Variants in ROBO1 observed in about 807,000 individuals in gnomAD.
ROBO1 encodes the protein roundabout guidance receptor 1, also known as roundabout homolog 1.
ROBO1 carries 149 observed loss-of-function variants against 195.9 expected under a neutral mutation model. The ratio of observed to expected loss-of-function variants is 0.76; its 90% CI spans 0.67 to 0.87. The LOEUF (loss-of-function observed/expected upper bound fraction) is 0.87, where lower values mean the gene tolerates loss of function less well. Ranked by LOEUF, ROBO1 falls within the 40% of genes least tolerant of loss-of-function variation. The pLI, the probability that ROBO1 is intolerant of heterozygous loss-of-function variation, is 0.00. For synonymous variants in ROBO1, 816 were observed against 733.2 expected, an observed-to-expected ratio of 1.11 and a Z score of -1.82; for missense variants, 1,933 against 2,068.3, an observed-to-expected ratio of 0.93 and a Z score of 1.27.
intron 2 of ROBO1, among the ~76,000 whole-genome samples, chr3:79,310,437 G>A (rs2033430345): frequency 6.6e-6 from 1 of 152,172 alleles, no homozygotes; most frequent in South Asian, 2.1e-4. Flanking sequence ...GAATAAAGCT[G>A]AGAATGGAAG....
chr3:79,118,431 A>G (rs1221213963), intron 3 of ROBO1, among the ~76,000 whole-genome samples: 1 of 151,792 alleles, frequency 6.6e-6, no homozygotes, highest in East Asian at 1.9e-4. Context: ...ATTTCTTAAT[A>G]AAACTTTAAA....
intron 3 of ROBO1, among the ~76,000 whole-genome samples, chr3:79,117,210 T>TA (rs368492214): frequency 1.3e-4 from 20 of 148,550 alleles, no homozygotes; most frequent in Admixed American, 3.3e-4. Context: ...TCTACTAAAA[T>TA]AAAAAAAAAA....
At chr3:78,678,384 G>C (rs540840083) in intron 10 of ROBO1, among the ~76,000 whole-genome samples, 105 of 152,226 alleles carry the variant, frequency 6.9e-4, no homozygotes, top group Non-Finnish European at 1.3e-3. Context: ...ATGAAACCAA[G>C]AGCTGGTTTT....
intron 29 of ROBO1, among the ~76,000 whole-genome samples, chr3:78,604,310 C>T (rs1045939171): frequency 6.6e-6 from 1 of 152,106 alleles, no homozygotes; most frequent in Admixed American, 6.6e-5. Flanking sequence ...ACCTTGTGAT[C>T]CACCCACCTT....
At chr3:79,015,770 A>G (rs2077916400) in intron 3 of ROBO1, among the ~76,000 whole-genome samples, 1 of 152,202 alleles carries the variant, frequency 6.6e-6, no homozygotes, top group African/African-American at 2.4e-5. Flanking sequence ...TAATAGATAA[A>G]AGGCTATGAG....
chr3:78,784,226 A>T (rs1212701081), intron 4 of ROBO1, among the ~76,000 whole-genome samples: 1 of 152,168 alleles, frequency 6.6e-6, no homozygotes, highest in East Asian at 1.9e-4. Flanking sequence ...TACCTTCTAA[A>T]TACTCAATCA....
intron 3 of ROBO1, among the ~76,000 whole-genome samples, chr3:79,009,780 G>C (rs2077728841): frequency 6.6e-6 from 1 of 152,142 alleles, no homozygotes; most frequent in African/African-American, 2.4e-5. Context: ...TGCTTAACAT[G>C]TTTTATTATC....
chr3:78,995,305 A>G (rs1043859552), intron 3 of ROBO1, among the ~76,000 whole-genome samples: 1 of 152,108 alleles, frequency 6.6e-6, no homozygotes, highest in Non-Finnish European at 1.5e-5. Flanking sequence ...CCAAAGGGTG[A>G]TATCTTATCA....
intron 10 of ROBO1, among the ~76,000 whole-genome samples, chr3:78,677,606 T>A (rs1289398528): frequency 6.6e-6 from 1 of 151,428 alleles, no homozygotes. Flanking sequence ...AAGGGATCAA[T>A]TCAACAAGAG....
At chr3:78,711,371 CTTCCTTCCTTCCTTCCT>C (rs2081712432) in intron 8 of ROBO1, among the ~76,000 whole-genome samples, 1 of 26,038 alleles carries the variant, frequency 3.8e-5, no homozygotes, top group African/African-American at 1.7e-4. Flanking sequence ...TCCTTCCTTC[CTTCCTTCCTTCCTTCCT>C]TCCTTCCTTC....
At chr3:78,754,798 G>T (rs1485613254) in intron 4 of ROBO1, among the ~76,000 whole-genome samples, 8 of 152,164 alleles carry the variant, frequency 5.3e-5, no homozygotes, top group African/African-American at 1.9e-4. Flanking sequence ...AGAGAATAAT[G>T]AGAAACATAA....
chr3:79,319,769 C>T (rs115215721), intron 2 of ROBO1, among the ~76,000 whole-genome samples: 1,773 of 152,068 alleles, frequency 0.012, 33 homozygotes, highest in African/African-American at 0.039. Context: ...ACACACAACT[C>T]AGAATATAAT....
intron 1 of ROBO1, among the ~76,000 whole-genome samples, chr3:79,718,275 T>C (rs1702566667): frequency 6.6e-6 from 1 of 151,998 alleles, no homozygotes; most frequent in Admixed American, 6.6e-5. Flanking sequence ...ATAATATAAT[T>C]ACTGTTAAGT....
intron 2 of ROBO1, among the ~76,000 whole-genome samples, chr3:79,174,897 TAA>T (rs1263525715): frequency 2.0e-5 from 3 of 151,308 alleles, no homozygotes; most frequent in African/African-American, 7.3e-5. Context: ...AGAAAAATCC[TAA>T]GTTTTATGCA....
At chr3:79,094,517 A>G (rs753889838) in intron 3 of ROBO1, among the ~76,000 whole-genome samples, 4 of 152,148 alleles carry the variant, frequency 2.6e-5, no homozygotes, top group Non-Finnish European at 5.9e-5. Context: ...AAGTCTATGA[A>G]TTTGAATTAT....
intron 4 of ROBO1, among the ~76,000 whole-genome samples, chr3:78,770,732 T>A (rs1241516283): frequency 6.6e-6 from 1 of 152,096 alleles, no homozygotes; most frequent in Admixed American, 6.6e-5. Flanking sequence ...GTATCCTAGG[T>A]TTTCCTCTAG....
At chr3:79,694,651 T>C (rs1005196746) in intron 1 of ROBO1, among the ~76,000 whole-genome samples, 1 of 151,818 alleles carries the variant, frequency 6.6e-6, no homozygotes, top group East Asian at 1.9e-4. Context: ...TTTACATTCA[T>C]ACATGTTTGG....
In ROBO1 at chr3:78,717,527, TTCCACAGAGTCCCC is replaced by T; in HGVS notation, c.779-128_779-115del. The T allele has an allele frequency of 3.0e-6, 3 of 996,902 alleles. No individual in the cohort carries two copies. In the South Asian group the frequency reaches 4.7e-5, roughly 15 times the overall value. The allele number at this position is 996,902 out of a possible 1,614,324, so 61.8% of individuals were successfully genotyped here. Reference sequence around the variant, plus strand: ...ATTTAAAATATCAGCGAGGAAATTATTCCACAGAGTCCCCTCATTCTAGAAGCTTCTCCCTAGGT... The same window carrying T: ...ATTTAAAATATCAGCGAGGAAATTATTCATTCTAGAAGCTTCTCCCTAGGT... On this transcript the variant is annotated intron_variant, in intron 6 of 30. Coordinates refer to ENST00000464233, the MANE Select transcript of ROBO1 (RefSeq NM_002941.4).
At chr3:78,845,411 T>C (rs1001935471) in intron 4 of ROBO1, among the ~76,000 whole-genome samples, 2 of 152,108 alleles carry the variant, frequency 1.3e-5, no homozygotes, top group African/African-American at 4.8e-5. Context: ...ATTGTTGCTA[T>C]GATTTAAAAT....
Sources: allele counts gnomAD v4.1 joint callset (sites outside exome capture counted in the v4.1 genomes callset), GRCh38; gene constraint gnomAD v4.1.1; transcripts MANE v1.5; gene names NCBI Gene and HGNC (gene_info 2026-07-23, HGNC 2026-07-21).